DENND1A: variants seen among roughly 807,000 people sequenced by gnomAD.
The protein encoded by DENND1A is DENN domain containing 1A, also known as DENN domain-containing protein 1A.
Under a neutral mutation model 113.7 loss-of-function variants are expected in DENND1A, and 51 were observed. That is an observed-to-expected ratio of 0.45 (90% confidence interval 0.36 to 0.57). DENND1A has a LOEUF of 0.57. Among genes scored for constraint, DENND1A ranks in the 20% least tolerant of loss-of-function variants. The probability of loss-of-function intolerance (pLI) is 0.00; values close to 1 mark genes in which losing one functional copy is unlikely to be tolerated. For missense variants in DENND1A, 1,258 were observed against 1,395.9 expected (o/e 0.90, Z 1.57); for synonymous variants, 565 against 570.8 (o/e 0.99, Z 0.14).
At chr9:123,537,567 T>C (rs1589035767) in intron 13 of DENND1A, among the ~76,000 whole-genome samples, 1 of 151,882 alleles carries the variant, frequency 6.6e-6, no homozygotes, top group East Asian at 1.9e-4. Flanking sequence ...ATGTATGAAA[T>C]TGTATTCCTG....
intron 2 of DENND1A, among the ~76,000 whole-genome samples, chr9:123,821,622 T>C (rs1473484512): frequency 2.0e-5 from 3 of 152,240 alleles, no homozygotes; most frequent in Admixed American, 1.3e-4. Context: ...ACCTAAGCTT[T>C]CATGAGATTT....
At chr9:123,509,297 A>G (rs904619036) in intron 13 of DENND1A, among the ~76,000 whole-genome samples, 4 of 152,234 alleles carry the variant, frequency 2.6e-5, no homozygotes, top group African/African-American at 9.6e-5. Flanking sequence ...AGAAAGCACG[A>G]GATGGGACAC....
At chr9:123,850,778 C>T (rs1046407311) in intron 2 of DENND1A, among the ~76,000 whole-genome samples, 8 of 152,098 alleles carry the variant, frequency 5.3e-5, no homozygotes, top group Non-Finnish European at 5.9e-5. Context: ...GCATATAAAA[C>T]AATGACTGGT....
chr9:123,458,705 T>C (rs1189037400), intron 13 of DENND1A, among the ~76,000 whole-genome samples: 1 of 152,214 alleles, frequency 6.6e-6, no homozygotes, highest in Non-Finnish European at 1.5e-5. Context: ...CTCATGCCTG[T>C]AATCCCAGCA....
chr9:123,582,566 A>AT (rs1418990229), intron 12 of DENND1A, among the ~76,000 whole-genome samples: 1 of 150,788 alleles, frequency 6.6e-6, no homozygotes, highest in Non-Finnish European at 1.5e-5. Flanking sequence ...TGCTCAGTTA[A>AT]TTTTTTGTAT....
intron 13 of DENND1A, among the ~76,000 whole-genome samples, chr9:123,539,300 G>C (rs1351286035): frequency 1.4e-5 from 2 of 146,236 alleles, no homozygotes; most frequent in African/African-American, 2.5e-5. Context: ...AACTCACACA[G>C]TGGGAAATCA....
chr9:123,688,722 G>A (rs73665333), intron 5 of DENND1A, among the ~76,000 whole-genome samples: 1,715 of 152,218 alleles, frequency 0.011, 27 homozygotes, highest in African/African-American at 0.039. Context: ...GGGAATCCAC[G>A]ACAAGGCACC....
At chr9:123,415,830 C>T (rs1264753575) in intron 19 of DENND1A, among the ~76,000 whole-genome samples, 1 of 152,162 alleles carries the variant, frequency 6.6e-6, no homozygotes, top group African/African-American at 2.4e-5. Context: ...GCTTCCTAGA[C>T]AGGGCGTGGT....
chr9:123,829,488 C>T (rs1031766938), intron 2 of DENND1A, among the ~76,000 whole-genome samples: 4 of 151,724 alleles, frequency 2.6e-5, no homozygotes, highest in African/African-American at 9.7e-5. Flanking sequence ...CAGATAATGC[C>T]TTAAGAGAAA....
At chr9:123,832,086 C>T (rs1024330497) in intron 2 of DENND1A, among the ~76,000 whole-genome samples, 4 of 152,082 alleles carry the variant, frequency 2.6e-5, no homozygotes, top group African/African-American at 9.7e-5. Flanking sequence ...ACTTTGTACT[C>T]TATAAATATA....
At chr9:123,855,847 G>A (rs1179588307) in intron 2 of DENND1A, among the ~76,000 whole-genome samples, 2 of 152,080 alleles carry the variant, frequency 1.3e-5, no homozygotes, top group African/African-American at 4.8e-5. Context: ...AGACCAGCCT[G>A]ACCAACATGG....
At chr9:123,782,577 C>A (rs762317532) in intron 3 of DENND1A, among the ~76,000 whole-genome samples, 5 of 152,110 alleles carry the variant, frequency 3.3e-5, no homozygotes, top group Admixed American at 6.5e-5. Context: ...TGACTTCCTG[C>A]CTGGGAAAGG....
chr9:123,823,139 G>A (rs918205993), intron 2 of DENND1A, among the ~76,000 whole-genome samples: 22 of 152,040 alleles, frequency 1.4e-4, no homozygotes, highest in African/African-American at 4.4e-4. Context: ...AGTCTATACC[G>A]TCAAAAAACT....
chr9:123,385,511 G>C (rs995809654), intron 22 of DENND1A, among the ~76,000 whole-genome samples: 1 of 152,206 alleles, frequency 6.6e-6, no homozygotes, highest in Non-Finnish European at 1.5e-5. Flanking sequence ...GTGGCCCTAC[G>C]TCAGGCGGAG....
chr9:123,809,726 A>C (rs1344957224), intron 2 of DENND1A, among the ~76,000 whole-genome samples: 1 of 152,244 alleles, frequency 6.6e-6, no homozygotes, highest in Non-Finnish European at 1.5e-5. Flanking sequence ...GCTGTAGTGC[A>C]GTGGCATGAT....
At chr9:123,519,839 G>C (rs960724668) in intron 13 of DENND1A, among the ~76,000 whole-genome samples, 1 of 152,118 alleles carries the variant, frequency 6.6e-6, no homozygotes, top group African/African-American at 2.4e-5. Flanking sequence ...CACCAGGAGA[G>C]CATCTGGGAA....
At chr9:123,629,756 C>T (rs1478195019) in intron 10 of DENND1A, among the ~76,000 whole-genome samples, 1 of 152,192 alleles carries the variant, frequency 6.6e-6, no homozygotes, top group Non-Finnish European at 1.5e-5. Context: ...TGCTCCCAAA[C>T]CACAGTGAGC....
At chr9:123,431,496 G>C (rs2046131063) in intron 19 of DENND1A, among the ~76,000 whole-genome samples, 2 of 152,176 alleles carry the variant, frequency 1.3e-5, no homozygotes, top group African/African-American at 4.8e-5. Context: ...TACAACCCAG[G>C]AAACTGCCAT....
At chr9:123,834,328 G>A (rs193093924) in intron 2 of DENND1A, among the ~76,000 whole-genome samples, 2 of 152,230 alleles carry the variant, frequency 1.3e-5, no homozygotes, top group East Asian at 3.9e-4. Context: ...AAGTATATAA[G>A]AAACTCACTT....
Sources: gnomAD v4.1 joint callset for allele counts (sites outside exome capture counted in the v4.1 genomes callset) on GRCh38, gnomAD v4.1.1 for gene constraint, MANE v1.5 for transcripts, NCBI Gene and HGNC (gene_info 2026-07-23, HGNC 2026-07-21) for gene names.